Variants in UBE2G2 observed in about 807,000 individuals in gnomAD.
UBE2G2 encodes the protein ubiquitin conjugating enzyme E2 G2, also known as ubiquitin-conjugating enzyme E2 G2.
A neutral mutation model predicts 23.0 loss-of-function variants in UBE2G2; 10 were observed. The observed-to-expected ratio is 0.43, with a 90% CI of 0.27 to 0.74. UBE2G2 has a LOEUF of 0.74. Among genes scored for constraint, UBE2G2 ranks in the 30% least tolerant of loss-of-function variants. The pLI, the probability that UBE2G2 is intolerant of heterozygous loss-of-function variation, is 0.19. For missense variants in UBE2G2, 150 were observed against 218.3 expected (o/e 0.69, Z 1.97); for synonymous variants, 86 against 81.3 (o/e 1.06, Z -0.31).
At chr21:44,779,310 T>C in intron 3 of UBE2G2, 1 of 332,046 alleles carries the variant, frequency 3.0e-6, no homozygotes, top group Non-Finnish European at 6.0e-6. Context: ...CTGAAAACTG[T>C]CTTTGCTACC....
chr21:44,787,868 C>T (rs530680569), intron 3 of UBE2G2, 52 bp downstream of exon 3: 5 of 1,594,844 alleles, frequency 3.1e-6, no homozygotes, highest in African/African-American at 2.7e-5. Context: ...GTGATTCTTA[C>T]ATCTGACTTC....
chr21:44,799,345 T>G (rs1241608153), intron 1 of UBE2G2, among the ~76,000 whole-genome samples: 1 of 152,260 alleles, frequency 6.6e-6, no homozygotes, highest in Non-Finnish European at 1.5e-5. Flanking sequence ...TTACGTTGTA[T>G]ATGGCATCAT....
At chr21:44,785,371 T>A (rs1426741284) in intron 3 of UBE2G2, among the ~76,000 whole-genome samples, 1 of 152,234 alleles carries the variant, frequency 6.6e-6, no homozygotes, top group Non-Finnish European at 1.5e-5. Flanking sequence ...TTCACTAATC[T>A]GTTCTATTCT....
In UBE2G2 at chr21:44,768,760, A is replaced by T. The variant is rs376094852; in HGVS notation, c.*2617T>A. The T allele has an allele frequency of 4.6e-5, 7 of 152,250 alleles. No individual in the cohort carries two copies. The East Asian group carries it at 1.2e-3, about 25-fold the overall frequency. 9.4% of individuals were successfully genotyped at this position (152,250 alleles called of 1,614,324 possible). On this transcript the variant is annotated 3_prime_UTR_variant, in exon 6 of 6. Coordinates refer to ENST00000345496, the MANE Select transcript of UBE2G2 (RefSeq NM_003343.6). ...ACAGCCTGCTGGCTTCTAGTGGTCA[A>T]ATGTGCCACTCACACAATGGCATCT...
chr21:44,780,318 G>C (rs1298773698), intron 3 of UBE2G2, among the ~76,000 whole-genome samples: 1 of 152,222 alleles, frequency 6.6e-6, no homozygotes, highest in Admixed American at 6.5e-5. Context: ...TGCCTTCCAG[G>C]CAACTCCCGA....
intron 1 of UBE2G2, among the ~76,000 whole-genome samples, chr21:44,797,066 C>T (rs570693066): frequency 7.9e-5 from 12 of 152,306 alleles, no homozygotes; most frequent in Non-Finnish European, 1.6e-4. Context: ...CAAAGTCCCT[C>T]CACCGAAGTA....
Position 44,768,599 on chromosome 21 carries a change from C to A in UBE2G2, c.*2778G>T, listed in dbSNP as rs557469377. On this transcript the variant is annotated 3_prime_UTR_variant, in exon 6 of 6. Coordinates refer to ENST00000345496, the MANE Select transcript of UBE2G2 (RefSeq NM_003343.6). The stretch of plus-strand genomic sequence containing the variant: ...AGCAAATCACTGACACAGGAATCTG[C>A]CTCTTTATTGACATGCTAAGTAACA... 1 of 152,368 alleles carries A rather than the reference C, an allele frequency of 6.6e-6. No homozygotes were observed. The highest frequency in any genetic ancestry group is 1.9e-4 in the East Asian group (1 of 5,184). 9.4% of individuals were successfully genotyped at this position (152,368 alleles called of 1,614,324 possible). A position where few individuals can be genotyped will look rare whatever the true frequency, so the allele number is the denominator to read the frequency against.
At chr21:44,797,583 C>G (rs573913668) in intron 1 of UBE2G2, among the ~76,000 whole-genome samples, 6 of 151,926 alleles carry the variant, frequency 3.9e-5, no homozygotes, top group African/African-American at 1.4e-4. Flanking sequence ...GGCATGGTGG[C>G]GCGCGCCTGT....
At position 44,777,894 on chromosome 21, in the gene UBE2G2, T is replaced by C. The variant is rs549320496; in HGVS notation, c.126-477A>G. ...CAATGAATTGGTACTTTCTTTTCAGTGGAAAGCAATGTCCCATTCTCCAGT... is the reference window on the plus strand; with the variant it reads ...CAATGAATTGGTACTTTCTTTTCAGCGGAAAGCAATGTCCCATTCTCCAGT... On this transcript the variant is annotated intron_variant, in intron 3 of 5. Coordinates refer to ENST00000345496, the MANE Select transcript of UBE2G2 (RefSeq NM_003343.6). Among the ~76,000 whole-genome samples the C allele has an allele frequency of 5.6e-4, 86 of 152,334 alleles. 1 individual carries two copies. The highest frequency in any genetic ancestry group is 2.0e-3 in the African/African-American group (83 of 41,582).
At position 44,769,923 on chromosome 21, in the gene UBE2G2, C is replaced by A. The variant is rs235355; in HGVS notation, c.*1454G>T. The A allele has an allele frequency of 0.04, 6,018 of 152,334 alleles. 160 individuals carry two copies. Among genetic ancestry groups the A allele is most frequent in the African/African-American group, 0.05 (2,074 of 41,558 alleles). The allele number at this position is 152,334 out of a possible 1,614,324, so 9.4% of individuals were successfully genotyped here. A position where few individuals can be genotyped will look rare whatever the true frequency, so the allele number is the denominator to read the frequency against. ...TTAAATGCCGCCCGTGTGCGACAGG[C>A]CTGATATTTGCTTCTGCATGTGGCA... is the stretch of plus-strand genomic sequence containing the variant. On this transcript the variant is annotated 3_prime_UTR_variant, in exon 6 of 6. Transcript: ENST00000345496.
chr21:44,788,934 G>T (rs1391244338), intron 1 of UBE2G2, among the ~76,000 whole-genome samples: 14 of 152,028 alleles, frequency 9.2e-5, no homozygotes, highest in Admixed American at 9.2e-4. Flanking sequence ...ATTCACAGAT[G>T]CTATGTCCAT....
rs551770941 is a variant in UBE2G2 at position 44,772,500 on chromosome 21, C to T, written c.386-1011G>A. 1.3e-5 allele frequency among the ~76,000 whole-genome samples: 2 copies of T among 152,246 alleles called. No homozygotes were observed. The highest frequency in any genetic ancestry group is 4.1e-4 in the South Asian group (2 of 4,820). ...CGCCTTCCTTTCCCACACCCTTCCT[C>T]CTGACTGCCCTGGAAGACCCCTCCC... is the stretch of plus-strand genomic sequence containing the variant. On this transcript the variant is annotated intron_variant, in intron 5 of 5. Transcript: ENST00000345496. The surrounding 1 kb of genome is among the most constrained non-coding windows in gnomAD (Gnocchi z 5.4).
At chr21:44,781,399 T>A (rs1333735079) in intron 3 of UBE2G2, among the ~76,000 whole-genome samples, 1 of 152,170 alleles carries the variant, frequency 6.6e-6, no homozygotes, top group Non-Finnish European at 1.5e-5. Context: ...AAAAGCTTCT[T>A]GCCGATGTTC....
rs782412329 is a variant in UBE2G2 at position 44,772,790 on chromosome 21, C to CT, written c.385+756dup. The stretch of plus-strand genomic sequence containing the variant: ...AGCCCTGGGACCACTCAGCCCTTCT[C>CT]TTTTCTCTCCAGGCTACTGCAACAC... On this transcript the variant is annotated intron_variant, in intron 5 of 5. Transcript: ENST00000345496. The surrounding 1 kb of genome is among the most constrained non-coding windows in gnomAD (Gnocchi z 5.4). 2.0e-5 allele frequency among the ~76,000 whole-genome samples: 3 copies of CT among 152,138 alleles called. No individual in the cohort carries two copies. The highest frequency in any genetic ancestry group is 4.4e-5 in the Non-Finnish European group (3 of 68,016).
At chr21:44,787,372 G>C (rs1418116049) in intron 3 of UBE2G2, among the ~76,000 whole-genome samples, 1 of 152,136 alleles carries the variant, frequency 6.6e-6, no homozygotes, top group Non-Finnish European at 1.5e-5. Context: ...GCCATGTCTT[G>C]GGTCGGAAAG....
At chr21:44,780,045 T>G (rs140239841) in intron 3 of UBE2G2, among the ~76,000 whole-genome samples, 1 of 152,374 alleles carries the variant, frequency 6.6e-6, no homozygotes, top group African/African-American at 2.4e-5. Context: ...CTCAATACTT[T>G]GATAACAGTT....
intron 3 of UBE2G2, among the ~76,000 whole-genome samples, chr21:44,786,076 C>T (rs1401898649): frequency 3.4e-5 from 2 of 58,802 alleles, no homozygotes; most frequent in African/African-American, 2.8e-4. Flanking sequence ...GAGGAGCCAA[C>T]ACCCCACAAA....
chr21:44,790,559 G>A (rs1692826400), intron 1 of UBE2G2, among the ~76,000 whole-genome samples: 1 of 152,192 alleles, frequency 6.6e-6, no homozygotes, highest in African/African-American at 2.4e-5. Flanking sequence ...CTGTTCTCAT[G>A]ACAGTGAGTT....
intron 4 of UBE2G2, 35 bp downstream of exon 4, chr21:44,777,264 C>G: frequency 6.4e-7 from 1 of 1,553,182 alleles, no homozygotes; most frequent in South Asian, 1.1e-5. Flanking sequence ...CGTACCTATC[C>G]TGGTACCACA....
Sources: gnomAD v4.1 joint callset for allele counts (sites outside exome capture counted in the v4.1 genomes callset) on GRCh38, gnomAD v4.1.1 for gene constraint, Gnocchi (gnomAD v3.1) non-coding constraint, MANE v1.5 for transcripts, NCBI Gene and HGNC (gene_info 2026-07-23, HGNC 2026-07-21) for gene names.